Variants in PRDM5 observed in about 807,000 individuals in gnomAD.
PRDM5 encodes PR/SET domain 5, also known as PR domain zinc finger protein 5.
A neutral mutation model predicts 81.2 loss-of-function variants in PRDM5; 56 were observed. That is an observed-to-expected ratio of 0.69 (90% CI 0.56 to 0.86). PRDM5 has a LOEUF of 0.86. PRDM5 is among the 40% of genes least tolerant of loss of function. The pLI, the probability that PRDM5 is intolerant of heterozygous loss-of-function variation, is 0.00. For missense variants in PRDM5, 697 were observed against 770.1 expected (o/e 0.91, Z 1.12); for synonymous variants, 267 against 256.4 (o/e 1.04, Z -0.39).
At chr4:120,896,979 A>G (rs1463948429) in intron 2 of PRDM5, 5 of 149,334 alleles carry the variant, frequency 3.3e-5, no homozygotes, top group Non-Finnish European at 7.4e-5. Flanking sequence ...CACCATGCGC[A>G]GCCTTCCTAT....
chr4:120,713,913 T>A (rs1186220985), intron 14 of PRDM5, among the ~76,000 whole-genome samples: 2 of 152,132 alleles, frequency 1.3e-5, no homozygotes, highest in African/African-American at 4.8e-5. Flanking sequence ...TTCCCTGTCC[T>A]CACATGGTGG....
At chr4:120,712,061 GAAT>G in intron 14 of PRDM5, among the ~76,000 whole-genome samples, 1 of 152,070 alleles carries the variant, frequency 6.6e-6, no homozygotes, top group African/African-American at 2.4e-5. Flanking sequence ...CAAGGCGGAC[GAAT>G]TATCTGAGGT....
chr4:120,758,213 A>G (rs865961331), intron 13 of PRDM5, among the ~76,000 whole-genome samples: 3 of 152,278 alleles, frequency 2.0e-5, no homozygotes, highest in African/African-American at 7.2e-5. Context: ...CAAGCTCCTC[A>G]TATATAATAT....
In PRDM5 at chr4:120,693,977, A is replaced by G. The variant is rs1393199848; in HGVS notation, c.*1134T>C. Reference sequence around the variant, plus strand: ...CTTCTTGCTTCAATTTCCCTTAAGCATCAGTGACAGTTTCAATCATAACAA... The same window carrying G: ...CTTCTTGCTTCAATTTCCCTTAAGCGTCAGTGACAGTTTCAATCATAACAA... On this transcript the variant is annotated 3_prime_UTR_variant, in exon 16 of 16. Transcript: ENST00000264808. 1 of 152,154 alleles carries G rather than the reference A, an allele frequency of 6.6e-6. No homozygotes were observed. The highest frequency in any genetic ancestry group is 2.4e-5 in the African/African-American group (1 of 41,442). The allele number at this position is 152,154 out of a possible 1,614,324, so 9.4% of individuals were successfully genotyped here. A position where few individuals can be genotyped will look rare whatever the true frequency, so the allele number is the denominator to read the frequency against.
chr4:120,807,701 G>A (rs566955049), intron 8 of PRDM5, among the ~76,000 whole-genome samples: 22 of 152,276 alleles, frequency 1.4e-4, no homozygotes, highest in African/African-American at 4.3e-4. Flanking sequence ...CGGTGTGTCC[G>A]GAGTTTGTTC....
chr4:120,726,675 G>C (rs866541507), intron 14 of PRDM5, among the ~76,000 whole-genome samples: 2 of 152,170 alleles, frequency 1.3e-5, no homozygotes, highest in Non-Finnish European at 2.9e-5. Flanking sequence ...AATTCAGTGA[G>C]TACACATTTC....
chr4:120,703,170 ATTTTGTTTTTTG>A (rs1193461691), intron 15 of PRDM5, among the ~76,000 whole-genome samples: 2 of 151,132 alleles, frequency 1.3e-5, no homozygotes, highest in Non-Finnish European at 3.0e-5. Context: ...TAATTCATGT[ATTTTGTTTTTTG>A]TTTTGTTTTT....
chr4:120,783,643 T>G (rs994710240), intron 11 of PRDM5, among the ~76,000 whole-genome samples: 2 of 152,156 alleles, frequency 1.3e-5, no homozygotes, highest in African/African-American at 2.4e-5. Context: ...TAAATCAAAC[T>G]GGTAATGAAC....
At chr4:120,726,789 T>G (rs1380979105) in intron 14 of PRDM5, among the ~76,000 whole-genome samples, 1 of 151,974 alleles carries the variant, frequency 6.6e-6, no homozygotes, top group Non-Finnish European at 1.5e-5. Flanking sequence ...GGGGGTGGGA[T>G]GGAGAGTGAT....
intron 2 of PRDM5, among the ~76,000 whole-genome samples, chr4:120,891,419 CCTT>C (rs1218552356): frequency 6.6e-6 from 1 of 152,112 alleles, no homozygotes; most frequent in Non-Finnish European, 1.5e-5. Context: ...TAAATCTTCT[CCTT>C]TTTTCCTTAT....
intron 12 of PRDM5, among the ~76,000 whole-genome samples, chr4:120,777,900 G>A (rs922215648): frequency 2.6e-5 from 4 of 152,092 alleles, no homozygotes; most frequent in Non-Finnish European, 5.9e-5. Flanking sequence ...ATAGTTAAAA[G>A]CAAGTTTCGA....
At chr4:120,912,323 G>C (rs1021374326) in intron 1 of PRDM5, among the ~76,000 whole-genome samples, 1 of 152,066 alleles carries the variant, frequency 6.6e-6, no homozygotes, top group Non-Finnish European at 1.5e-5. Flanking sequence ...AAATAAACCA[G>C]CATCACTCCA....
intron 14 of PRDM5, among the ~76,000 whole-genome samples, chr4:120,718,497 A>C (rs1738127934): frequency 6.6e-6 from 1 of 152,208 alleles, no homozygotes; most frequent in Non-Finnish European, 1.5e-5. Context: ...AAATCTAAAA[A>C]ATTCATAAGG....
chr4:120,828,333 G>C (rs1756292185), intron 3 of PRDM5, among the ~76,000 whole-genome samples: 1 of 152,004 alleles, frequency 6.6e-6, no homozygotes, highest in Non-Finnish European at 1.5e-5. Flanking sequence ...TCTCCAATAG[G>C]AACTTCTCCA....
intron 10 of PRDM5, among the ~76,000 whole-genome samples, chr4:120,796,474 T>C (rs1278513722): frequency 6.6e-6 from 1 of 152,150 alleles, no homozygotes; most frequent in Non-Finnish European, 1.5e-5. Context: ...GCATATAACA[T>C]GAGCCAAACT....
At chr4:120,879,187 A>G (rs1762602842) in intron 2 of PRDM5, among the ~76,000 whole-genome samples, 1 of 152,210 alleles carries the variant, frequency 6.6e-6, no homozygotes, top group East Asian at 1.9e-4. Flanking sequence ...TGGTACATCC[A>G]TACAATGGAA....
chr4:120,812,978 G>GT (rs201936446), intron 7 of PRDM5: 1 of 160,388 alleles, frequency 6.2e-6, no homozygotes, highest in Admixed American at 6.5e-5. Flanking sequence ...AATCAGCTGG[G>GT]TTTTTTAAGA....
At chr4:120,881,973 G>A (rs1006816726) in intron 2 of PRDM5, among the ~76,000 whole-genome samples, 1 of 152,180 alleles carries the variant, frequency 6.6e-6, no homozygotes. Context: ...CAAATCTACA[G>A]ATCCTGTTGA....
chr4:120,829,563 G>T (rs1381782492), intron 3 of PRDM5, among the ~76,000 whole-genome samples: 1 of 152,088 alleles, frequency 6.6e-6, no homozygotes, highest in Admixed American at 6.6e-5. Flanking sequence ...TCCCCACTGT[G>T]TGCAAATAAA....
Sources: allele counts gnomAD v4.1 joint callset (sites outside exome capture counted in the v4.1 genomes callset), GRCh38; gene constraint gnomAD v4.1.1; transcripts MANE v1.5; gene names NCBI Gene and HGNC (gene_info 2026-07-23, HGNC 2026-07-21).